Variants in PIERCE1 observed in about 807,000 individuals in gnomAD.
PIERCE1 encodes the protein piercer of microtubule wall 1 protein.
the PIERCE1 span, chr9:135,499,473 A>G: frequency 4.2e-6 from 3 of 709,248 alleles, no homozygotes; most frequent in Admixed American, 4.0e-5. Context: ...TGAGACCACA[A>G]CTGGGCTTTC....
At chr9:135,499,581 C>T in the PIERCE1 span, 4 of 1,282,218 alleles carry the variant, frequency 3.1e-6, no homozygotes, top group Non-Finnish European at 3.3e-6. Flanking sequence ...GATGACAGCG[C>T]GGGCCCCGGA....
At chr9:135,499,401 C>G in the PIERCE1 span, 1 of 630,638 alleles carries the variant, frequency 1.6e-6, no homozygotes, top group Admixed American at 2.1e-5. Context: ...TGTGCTCACG[C>G]CCCGCAGCGG....
the PIERCE1 span, among the ~76,000 whole-genome samples, chr9:135,496,941 C>T: frequency 0.014 from 2,087 of 152,212 alleles, 48 homozygotes; most frequent in African/African-American, 0.048. Context: ...GGATTACAGG[C>T]GCCCACCACT....
chr9:135,499,834 G>A, the PIERCE1 span: 1 of 1,590,888 alleles, frequency 6.3e-7, no homozygotes, highest in Non-Finnish European at 8.6e-7. Context: ...CGCACGCTCT[G>A]GGGCATTCCT....
chr9:135,495,550 G>T, the PIERCE1 span: 1 of 1,614,014 alleles, frequency 6.2e-7, no homozygotes, highest in South Asian at 1.1e-5. Context: ...TGAGAGTATT[G>T]TTCCGGAACA....
At chr9:135,495,556 G>A in the PIERCE1 span, 4 of 1,614,126 alleles carry the variant, frequency 2.5e-6, no homozygotes, top group African/African-American at 2.7e-5. Flanking sequence ...TATTGTTCCG[G>A]AACATTCCAC....
At chr9:135,498,846 G>T in the PIERCE1 span, 2 of 613,044 alleles carry the variant, frequency 3.3e-6, no homozygotes, top group Non-Finnish European at 5.9e-6. This position sits in a 1 kb window ranked among gnomAD's most constrained non-coding sequence, Gnocchi z 4.1. Flanking sequence ...GTTCTGAATG[G>T]CCCGGCCTCC....
the PIERCE1 span, chr9:135,499,042 C>T: frequency 6.1e-5 from 17 of 278,104 alleles, no homozygotes; most frequent in Non-Finnish European, 1.0e-4. Context: ...GAGGGTCCCT[C>T]TGCCTCTGAG....
chr9:135,498,150 C>T, the PIERCE1 span, among the ~76,000 whole-genome samples: 92 of 152,204 alleles, frequency 6.0e-4, 1 homozygote, highest in African/African-American at 2.1e-3. The surrounding 1 kb of genome is among the most constrained non-coding windows in gnomAD (Gnocchi z 4.1). Flanking sequence ...CAAGCTGTGC[C>T]GTCAGCCAGT....
At chr9:135,498,654 CT>C in the PIERCE1 span, 1 of 1,613,982 alleles carries the variant, frequency 6.2e-7, no homozygotes. The surrounding 1 kb of genome is among the most constrained non-coding windows in gnomAD (Gnocchi z 4.1). Flanking sequence ...CGGAGACAGC[CT>C]TCTGGGTCCT....
chr9:135,495,437 A>T, the PIERCE1 span: 1 of 1,613,268 alleles, frequency 6.2e-7, no homozygotes, highest in African/African-American at 1.3e-5. Context: ...TCAATCGCAG[A>T]TGGATGGCCT....
At chr9:135,499,519 C>A in the PIERCE1 span, 1 of 815,148 alleles carries the variant, frequency 1.2e-6, no homozygotes, top group South Asian at 1.5e-5. Context: ...GCCCTTATCC[C>A]CACTTCCTTG....
the PIERCE1 span, among the ~76,000 whole-genome samples, chr9:135,498,103 C>T: frequency 1.3e-5 from 2 of 152,196 alleles, no homozygotes; most frequent in African/African-American, 2.4e-5. This position sits in a 1 kb window ranked among gnomAD's most constrained non-coding sequence, Gnocchi z 4.1. Context: ...CAATGGCCCA[C>T]AGACTCCTGT....
the PIERCE1 span, chr9:135,498,691 A>G: frequency 6.3e-7 from 1 of 1,590,386 alleles, no homozygotes; most frequent in African/African-American, 1.3e-5. This position sits in a 1 kb window ranked among gnomAD's most constrained non-coding sequence, Gnocchi z 4.1. Flanking sequence ...CTCTATTTTC[A>G]TTCATTTACT....
At chr9:135,495,452 A>G in the PIERCE1 span, 1 of 1,613,910 alleles carries the variant, frequency 6.2e-7, no homozygotes, top group Non-Finnish European at 8.5e-7. Context: ...TGGCCTGTTG[A>G]TGTTGTAACT....
chr9:135,498,836 G>A, the PIERCE1 span: 22 of 630,952 alleles, frequency 3.5e-5, no homozygotes, highest in African/African-American at 1.1e-4. This position sits in a 1 kb window ranked among gnomAD's most constrained non-coding sequence, Gnocchi z 4.1. Flanking sequence ...GCTGATGACC[G>A]TTCTGAATGG....
At chr9:135,498,660 G>A in the PIERCE1 span, 1 of 1,613,652 alleles carries the variant, frequency 6.2e-7, no homozygotes, top group African/African-American at 1.3e-5. This position sits in a 1 kb window ranked among gnomAD's most constrained non-coding sequence, Gnocchi z 4.1. Context: ...CAGCCTTCTG[G>A]GTCCTGGTAG....
At chr9:135,497,989 T>A in the PIERCE1 span, among the ~76,000 whole-genome samples, 1 of 152,230 alleles carries the variant, frequency 6.6e-6, no homozygotes, top group East Asian at 1.9e-4. Context: ...ACCGCACTAG[T>A]CCCTCTGTCC....
At chr9:135,496,727 G>T in the PIERCE1 span, among the ~76,000 whole-genome samples, 1 of 151,894 alleles carries the variant, frequency 6.6e-6, no homozygotes, top group Non-Finnish European at 1.5e-5. Context: ...CATTCTATGG[G>T]TGGGACAAAT....
Sources: gnomAD v4.1 joint callset for allele counts (sites outside exome capture counted in the v4.1 genomes callset) on GRCh38, gnomAD v4.1.1 for gene constraint, Gnocchi (gnomAD v3.1) non-coding constraint, MANE v1.5 for transcripts, NCBI Gene and HGNC (gene_info 2026-07-23, HGNC 2026-07-21) for gene names.